ROBO1: variants seen among roughly 807,000 people sequenced by gnomAD.
ROBO1 encodes the protein roundabout homolog 1.
ROBO1 carries 149 observed loss-of-function variants against 195.9 expected under a neutral mutation model. That is an observed-to-expected ratio of 0.76 (90% confidence interval 0.67 to 0.87). ROBO1 has a LOEUF of 0.87. Ranked by LOEUF, ROBO1 falls within the 40% of genes least tolerant of loss-of-function variation. The pLI, the probability that ROBO1 is intolerant of heterozygous loss-of-function variation, is 0.00. For synonymous variants in ROBO1, 816 were observed against 733.2 expected (o/e 1.11, Z -1.82); for missense variants, 1,933 against 2,068.3 (o/e 0.93, Z 1.27).
At chr3:79,435,590 C>T (rs1020346612) in intron 2 of ROBO1, among the ~76,000 whole-genome samples, 1 of 152,114 alleles carries the variant, frequency 6.6e-6, no homozygotes, top group Admixed American at 6.6e-5. Context: ...CATATGTGCA[C>T]ATGATTCTAG....
intron 21 of ROBO1, 30 bp from the exon 22 acceptor site, chr3:78,639,928 GT>G: frequency 6.7e-7 from 1 of 1,486,978 alleles, no homozygotes; most frequent in Non-Finnish European, 9.0e-7. Flanking sequence ...TAAAGCAAAT[GT>G]TATATGAATA....
chr3:79,274,487 G>T lies in ROBO1; in HGVS notation c.89-148948C>A, dbSNP rs551766020. 2.0e-5 allele frequency among the ~76,000 whole-genome samples: 3 copies of T among 151,974 alleles called. No homozygotes were observed. The East Asian group carries it at 5.8e-4, about 29-fold the overall frequency. ...AAACACAGCATACCAAAACCTACGG[G>T]ATACAGCAAAAGCTGTACTTAGAGG... On this transcript the variant is annotated intron_variant, in intron 2 of 30. Transcript: ENST00000464233.
chr3:79,028,014 A>G (rs1485815746), intron 3 of ROBO1, among the ~76,000 whole-genome samples: 1 of 152,072 alleles, frequency 6.6e-6, no homozygotes, highest in African/African-American at 2.4e-5. Flanking sequence ...TTAATTACAA[A>G]GTAAAATATT....
At chr3:79,350,204 G>A (rs1452202957) in intron 2 of ROBO1, among the ~76,000 whole-genome samples, 2 of 152,088 alleles carry the variant, frequency 1.3e-5, no homozygotes, top group African/African-American at 4.8e-5. Flanking sequence ...GATGCTTAAC[G>A]TCATTAGTGA....
intron 14 of ROBO1, among the ~76,000 whole-genome samples, chr3:78,666,613 T>C (rs1293514765): frequency 2.0e-5 from 3 of 152,142 alleles, no homozygotes; most frequent in Non-Finnish European, 4.4e-5. Flanking sequence ...ATAGTAAAGC[T>C]CCTGGAGAGG....
At chr3:79,088,670 T>A (rs1421304494) in intron 3 of ROBO1, among the ~76,000 whole-genome samples, 1 of 152,112 alleles carries the variant, frequency 6.6e-6, no homozygotes, top group Non-Finnish European at 1.5e-5. Context: ...GTAAGACTAG[T>A]GATATTTAAT....
intron 2 of ROBO1, among the ~76,000 whole-genome samples, chr3:79,152,291 G>C (rs2080786484): frequency 6.6e-6 from 1 of 151,758 alleles, no homozygotes; most frequent in Non-Finnish European, 1.5e-5. Flanking sequence ...TTATCCAGAA[G>C]ATAATATTTC....
At chr3:78,773,892 T>C (rs1381647833) in intron 4 of ROBO1, among the ~76,000 whole-genome samples, 1 of 152,248 alleles carries the variant, frequency 6.6e-6, no homozygotes. Flanking sequence ...CAAGTAGCTC[T>C]ACTAAGTGCC....
At chr3:79,372,187 C>T (rs565396970) in intron 2 of ROBO1, among the ~76,000 whole-genome samples, 2 of 149,342 alleles carry the variant, frequency 1.3e-5, no homozygotes, top group East Asian at 4.0e-4. Flanking sequence ...GTGTTGGGGA[C>T]CCCTGTTCTA....
chr3:79,702,598 C>A (rs888125472), intron 1 of ROBO1, among the ~76,000 whole-genome samples: 2 of 151,808 alleles, frequency 1.3e-5, no homozygotes, highest in Non-Finnish European at 2.9e-5. Context: ...TCACACGAAT[C>A]TAAGAGATAG....
chr3:78,813,075 A>G (rs143868292), intron 4 of ROBO1, among the ~76,000 whole-genome samples: 1 of 152,216 alleles, frequency 6.6e-6, no homozygotes, highest in East Asian at 1.9e-4. Flanking sequence ...CCAGATATCG[A>G]CATTTTAAGT....
At chr3:79,599,800 A>G (rs951389613) in intron 1 of ROBO1, among the ~76,000 whole-genome samples, 1 of 152,052 alleles carries the variant, frequency 6.6e-6, no homozygotes, top group African/African-American at 2.4e-5. Context: ...TTGCTTAAAA[A>G]ATATTGCATT....
chr3:79,661,673 G>A (rs1433016083), intron 1 of ROBO1, among the ~76,000 whole-genome samples: 1 of 151,706 alleles, frequency 6.6e-6, no homozygotes, highest in Non-Finnish European at 1.5e-5. Context: ...AGAGACAGGT[G>A]TACATTTAGA....
At chr3:79,380,300 T>A (rs531991207) in intron 2 of ROBO1, among the ~76,000 whole-genome samples, 1 of 152,294 alleles carries the variant, frequency 6.6e-6, no homozygotes, top group South Asian at 2.1e-4. Flanking sequence ...ATACAGTTAA[T>A]CCCTCTATGC....
chr3:78,604,883 C>A (rs1406156707), intron 29 of ROBO1, among the ~76,000 whole-genome samples: 2 of 152,204 alleles, frequency 1.3e-5, no homozygotes, highest in Non-Finnish European at 2.9e-5. Context: ...TCTTCCATTT[C>A]TTGTGTTTCT....
chr3:78,705,578 T>C (rs2081530432), intron 8 of ROBO1, among the ~76,000 whole-genome samples: 1 of 152,192 alleles, frequency 6.6e-6, no homozygotes, highest in Non-Finnish European at 1.5e-5. Context: ...TGGTGAATTT[T>C]ATGTGTCCAT....
intron 2 of ROBO1, among the ~76,000 whole-genome samples, chr3:79,137,279 A>G (rs550919438): frequency 1.5e-4 from 23 of 152,086 alleles, no homozygotes; most frequent in Non-Finnish European, 2.9e-4. Context: ...GTTTTGGGAA[A>G]AGAAAAAAAG....
intron 1 of ROBO1, among the ~76,000 whole-genome samples, chr3:79,598,138 T>C (rs1457304619): frequency 6.6e-6 from 1 of 152,122 alleles, no homozygotes. Context: ...AATTTGAGAT[T>C]CTTATTCTAT....
chr3:78,963,855 A>T (rs564811409), intron 3 of ROBO1, among the ~76,000 whole-genome samples: 2 of 152,180 alleles, frequency 1.3e-5, no homozygotes, highest in Admixed American at 6.5e-5. Flanking sequence ...TATACAACAA[A>T]TTTTAAAATA....
Sources: gnomAD v4.1 joint callset for allele counts (sites outside exome capture counted in the v4.1 genomes callset) on GRCh38, gnomAD v4.1.1 for gene constraint, MANE v1.5 for transcripts, NCBI Gene and HGNC (gene_info 2026-07-23, HGNC 2026-07-21) for gene names.